TRPC1: variants seen among roughly 807,000 people sequenced by gnomAD.
The protein encoded by TRPC1 is transient receptor potential cation channel subfamily C member 1, also known as short transient receptor potential channel 1.
Under a neutral mutation model 88.2 loss-of-function variants are expected in TRPC1, and 42 were observed. The ratio of observed to expected loss-of-function variants is 0.48; its 90% CI spans 0.37 to 0.62. The LOEUF is 0.62. Among genes scored for constraint, TRPC1 ranks in the 20% least tolerant of loss-of-function variants. TRPC1 has a pLI of 0.00. For synonymous variants in TRPC1, 288 were observed against 331.8 expected, an observed-to-expected ratio of 0.87 and a Z score of 1.43; for missense variants, 699 against 957.3, an observed-to-expected ratio of 0.73 and a Z score of 3.56.
intron 7 of TRPC1, among the ~76,000 whole-genome samples, chr3:142,785,808 T>C (rs1936117056): frequency 1.3e-5 from 2 of 152,206 alleles, no homozygotes; most frequent in Non-Finnish European, 2.9e-5. Flanking sequence ...CTAGAACCTA[T>C]GAACTTTTGC....
At chr3:142,785,408 A>G (rs749985992) in intron 7 of TRPC1, 58 of 165,482 alleles carry the variant, frequency 3.5e-4, no homozygotes, top group Middle Eastern at 5.8e-3. Flanking sequence ...AATCTATTTT[A>G]TACTGTTGTG....
chr3:142,784,590 G>A (rs550342720), intron 6 of TRPC1, 114 bp from the exon 7 acceptor site: 2 of 823,660 alleles, frequency 2.4e-6, no homozygotes, highest in South Asian at 1.9e-5. Flanking sequence ...TATGTTGAAT[G>A]TATAGAATTG....
In TRPC1 at chr3:142,724,643, G is replaced by A; in HGVS notation, c.84G>A (p.Pro28=). 6.2e-7 allele frequency: 1 copy of A among 1,612,910 alleles called. No individual in the cohort carries two copies. The highest frequency in any genetic ancestry group is 1.1e-5 in the South Asian group (1 of 91,030). The change falls in exon 1 of 13, where the codon CCG becomes CCA. Residue 28 remains proline, a synonymous_variant. Coordinates refer to ENST00000476941, the MANE Select transcript of TRPC1 (RefSeq NM_001251845.2). The surrounding 1 kb of genome is among the most constrained non-coding windows in gnomAD (Gnocchi z 5.6). The stretch of plus-strand genomic sequence containing the variant: ...CTTCCTCTCCATCCTCTTCCTCGCC[G>A]AACGAGGTGATGGCGCTGAAGGATG... ...SLPSSPSSSS[P]NEVMALKDVR... is the part of the protein sequence containing the mutation.
At chr3:142,788,676 G>T (rs922053795) in intron 7 of TRPC1, among the ~76,000 whole-genome samples, 2 of 152,030 alleles carry the variant, frequency 1.3e-5, no homozygotes, top group South Asian at 2.1e-4. Flanking sequence ...AAAAAGAGAG[G>T]ACCTAAGATC....
intron 11 of TRPC1, 102 bp from the exon 12 acceptor site, chr3:142,804,334 T>G: frequency 1.7e-6 from 2 of 1,191,224 alleles, no homozygotes; most frequent in Admixed American, 2.9e-5. Flanking sequence ...GTATAATAAT[T>G]GCAAATGTTG....
rs373732946 is a variant in TRPC1 at position 142,736,501 on chromosome 3, A to G, written c.295A>G (p.Ile99Val). Reference sequence around the variant, plus strand: ...AACTATTGAAAACGAAAACTTGGATATACTGCAGCTTCTTTTGGACTACGG... The same window carrying G: ...AACTATTGAAAACGAAAACTTGGATGTACTGCAGCTTCTTTTGGACTACGG... ...TITIENENLD[I>V]LQLLLDYGCQ... is the part of the protein sequence containing the mutation. The change falls in exon 2 of 13, where the codon ATA becomes GTA. Residue 99 changes from isoleucine to valine, a missense_variant. Transcript: ENST00000476941. The G allele has an allele frequency of 1.7e-5, 27 of 1,611,040 alleles. No individual in the cohort carries two copies. The East Asian group carries it at 2.7e-4, about 16-fold the overall frequency.
chr3:142,753,013 C>T (rs1202842521), intron 4 of TRPC1, among the ~76,000 whole-genome samples: 1 of 152,200 alleles, frequency 6.6e-6, no homozygotes, highest in East Asian at 1.9e-4. Flanking sequence ...AATGGAGTCT[C>T]TTACGTCTTT....
intron 4 of TRPC1, among the ~76,000 whole-genome samples, chr3:142,772,133 T>C (rs1935597806): frequency 6.6e-6 from 1 of 152,196 alleles, no homozygotes; most frequent in Non-Finnish European, 1.5e-5. Context: ...ATGATGTTTC[T>C]GTTTGTGGGT....
intron 1 of TRPC1, among the ~76,000 whole-genome samples, chr3:142,728,225 G>A (rs1933758475): frequency 6.6e-6 from 1 of 152,094 alleles, no homozygotes; most frequent in African/African-American, 2.4e-5. Flanking sequence ...GGGATGGAGA[G>A]AGCAGGTTTT....
intron 5 of TRPC1, among the ~76,000 whole-genome samples, chr3:142,778,811 T>C (rs150150800): frequency 2.6e-5 from 4 of 152,316 alleles, no homozygotes; most frequent in Non-Finnish European, 5.9e-5. Flanking sequence ...GTGTTCTTCA[T>C]AGACCTGAGT....
rs1936805313 is a variant in TRPC1, at chr3:142,806,712, T to C, written c.*477T>C. The C allele has an allele frequency of 2.0e-5, 3 of 152,110 alleles. No individual in the cohort carries two copies. Among genetic ancestry groups the C allele is most frequent in the South Asian group, 4.1e-4 (2 of 4,830 alleles). The allele number at this position is 152,110 out of a possible 1,614,324, so 9.4% of individuals were successfully genotyped here. On this transcript the variant is annotated 3_prime_UTR_variant, in exon 13 of 13. Coordinates refer to ENST00000476941, the MANE Select transcript of TRPC1 (RefSeq NM_001251845.2). The stretch of plus-strand genomic sequence containing the variant: ...TGTTTAGGAGTATAATTTTATTTTA[T>C]CTAAAATAATAGTCTATTTTTTCTT...
At chr3:142,735,213 G>A (rs533176044) in intron 1 of TRPC1, among the ~76,000 whole-genome samples, 1 of 152,280 alleles carries the variant, frequency 6.6e-6, no homozygotes, top group South Asian at 2.1e-4. Flanking sequence ...GTGAGGCAGG[G>A]AGTTTAAGGC....
Position 142,767,495 on chromosome 3 carries a change from T to G in TRPC1, c.633-10137T>G, listed in dbSNP as rs1935433352. On this transcript the variant is annotated intron_variant, in intron 4 of 12. Coordinates refer to ENST00000476941, the MANE Select transcript of TRPC1 (RefSeq NM_001251845.2). The surrounding 1 kb of genome is among the most constrained non-coding windows in gnomAD (Gnocchi z 5.1). ...CAGGGAGTTTCCTAGATTTCCTTTT[T>G]TTGGTGATTTCTACTTTAATTCTGT... Among the ~76,000 whole-genome samples the G allele has an allele frequency of 6.6e-6, 1 of 150,880 alleles. No homozygotes were observed. Among genetic ancestry groups the G allele is most frequent in the Non-Finnish European group, 1.5e-5 (1 of 67,670 alleles).
intron 4 of TRPC1, among the ~76,000 whole-genome samples, chr3:142,764,159 A>G (rs932844473): frequency 1.3e-5 from 2 of 150,582 alleles, no homozygotes; most frequent in Non-Finnish European, 3.0e-5. Context: ...TATATTACCT[A>G]TTTCATTTTC....
At chr3:142,804,701 C>A in intron 12 of TRPC1, 71 bp downstream of exon 12, 1 of 1,440,894 alleles carries the variant, frequency 6.9e-7, no homozygotes, top group Non-Finnish European at 9.4e-7. Context: ...TTTCTTAAAG[C>A]GTAAGTATGC....
chr3:142,732,640 G>A (rs1031468739), intron 1 of TRPC1, among the ~76,000 whole-genome samples: 1 of 152,154 alleles, frequency 6.6e-6, no homozygotes, highest in African/African-American at 2.4e-5. Flanking sequence ...AGGGGGCTAA[G>A]AAGACGTGCT....
At chr3:142,741,844 C>T (rs1380016342) in intron 2 of TRPC1, among the ~76,000 whole-genome samples, 1 of 152,112 alleles carries the variant, frequency 6.6e-6, no homozygotes, top group African/African-American at 2.4e-5. Flanking sequence ...AATGACATTA[C>T]TATAGTTAGC....
rs1453531260 is a variant in TRPC1 at position 142,724,092 on chromosome 3, C to T, written c.-468C>T. The T allele has an allele frequency of 6.6e-6, 1 of 152,124 alleles. No homozygotes were observed. Among genetic ancestry groups the T allele is most frequent in the Non-Finnish European group, 1.5e-5 (1 of 68,144 alleles). The allele number at this position is 152,124 out of a possible 1,614,324, so 9.4% of individuals were successfully genotyped here. On this transcript the variant is annotated 5_prime_UTR_variant, in exon 1 of 13. Coordinates refer to ENST00000476941, the MANE Select transcript of TRPC1 (RefSeq NM_001251845.2). The surrounding 1 kb of genome is among the most constrained non-coding windows in gnomAD (Gnocchi z 5.6). ...CAGAGTCGCGAACATCTCCTCGGAGCGCAGCTGGGCCAGCGGTTCCCACAG... is the reference window on the plus strand; with the variant it reads ...CAGAGTCGCGAACATCTCCTCGGAGTGCAGCTGGGCCAGCGGTTCCCACAG...
intron 4 of TRPC1, among the ~76,000 whole-genome samples, chr3:142,759,988 TA>T (rs1457417730): frequency 6.6e-6 from 1 of 152,120 alleles, no homozygotes; most frequent in Non-Finnish European, 1.5e-5. Flanking sequence ...CACGCCCGGC[TA>T]ATTTTTTTGT....
Sources: allele counts gnomAD v4.1 joint callset (sites outside exome capture counted in the v4.1 genomes callset), GRCh38; gene constraint gnomAD v4.1.1; non-coding constraint Gnocchi (gnomAD v3.1); transcripts MANE v1.5; gene names NCBI Gene and HGNC (gene_info 2026-07-23, HGNC 2026-07-21).